The following EML4 variants were observed in gnomAD, a reference collection of about 807,000 sequenced individuals.
EML4 encodes echinoderm microtubule-associated protein-like 4.
EML4 carries 72 observed loss-of-function variants against 129.0 expected under a neutral mutation model. That is an observed-to-expected ratio of 0.56 (90% CI 0.46 to 0.68). The LOEUF (loss-of-function observed/expected upper bound fraction) is 0.68, where lower values mean the gene tolerates loss of function less well. Among genes scored for constraint, EML4 ranks in the 30% least tolerant of loss-of-function variants. EML4 has a pLI of 0.00. For synonymous variants in EML4, 532 were observed against 405.0 expected (o/e 1.31, Z -3.77); for missense variants, 1,363 against 1,190.6 (o/e 1.14, Z -2.13).
Position 42,299,752 on chromosome 2 carries a change from C to T in EML4, c.1490-1489C>T, listed in dbSNP as rs1001289375. Reference sequence around the variant, plus strand: ...TTGCCCAGGCTGGAGTGCAGTGGTGCGATTTCGGCTCACTGAACCTCCGCC... The same window carrying T: ...TTGCCCAGGCTGGAGTGCAGTGGTGTGATTTCGGCTCACTGAACCTCCGCC... On this transcript the variant is annotated intron_variant, in intron 13 of 22. Coordinates refer to ENST00000318522, the MANE Select transcript of EML4 (RefSeq NM_019063.5). 5.9e-5 allele frequency among the ~76,000 whole-genome samples: 9 copies of T among 152,220 alleles called. No individual in the cohort carries two copies. The South Asian group carries it at 1.2e-3, about 21-fold the overall frequency.
chr2:42,245,423 T>C (rs1307135028), intron 1 of EML4, 82 bp from the exon 2 acceptor site: 1 of 1,318,768 alleles, frequency 7.6e-7, no homozygotes, highest in Non-Finnish European at 1.0e-6. Flanking sequence ...TTGTAAGTCT[T>C]ATGTGGGATG....
At chr2:42,236,173 G>T (rs1674662623) in intron 1 of EML4, among the ~76,000 whole-genome samples, 1 of 152,076 alleles carries the variant, frequency 6.6e-6, no homozygotes, top group African/African-American at 2.4e-5. Flanking sequence ...ACTTTTGTAT[G>T]TTTTTGAACT....
At chr2:42,254,482 G>C (rs1447019551) in intron 2 of EML4, among the ~76,000 whole-genome samples, 1 of 150,164 alleles carries the variant, frequency 6.7e-6, no homozygotes, top group East Asian at 1.9e-4. Context: ...GACTAAGAAA[G>C]AAGAAAAAAC....
chr2:42,280,336 C>T (rs1487456883), intron 6 of EML4, among the ~76,000 whole-genome samples: 2 of 152,142 alleles, frequency 1.3e-5, no homozygotes, highest in East Asian at 3.9e-4. Flanking sequence ...TTTATTTTTC[C>T]CTACAATGTT....
rs75839804 is a variant in EML4 at position 42,228,465 on chromosome 2, C to G, written c.26-17040C>G. Among the ~76,000 whole-genome samples, 118 of 152,242 alleles carry G rather than the reference C, an allele frequency of 7.8e-4. 4 individuals carry two copies. In the East Asian group the frequency reaches 0.021, roughly 27 times the overall value. ...TTGAAATAGGCTAAAACATCATGTT[C>G]TTAGAGCTTGTCATTTAAAATTTAG... On this transcript the variant is annotated intron_variant, in intron 1 of 22. Transcript: ENST00000318522.
At chr2:42,318,835 G>C (rs943149656) in intron 19 of EML4, among the ~76,000 whole-genome samples, 1 of 151,916 alleles carries the variant, frequency 6.6e-6, no homozygotes, top group Non-Finnish European at 1.5e-5. Context: ...CTCCTGACTA[G>C]CTGGCACCAT....
intron 12 of EML4, 50 bp from the exon 13 acceptor site, chr2:42,295,331 A>C: frequency 6.2e-7 from 1 of 1,604,544 alleles, no homozygotes; most frequent in Non-Finnish European, 8.5e-7. Flanking sequence ...AATAAGCATC[A>C]AGTTGTCATG....
At chr2:42,315,488 T>C (rs1276851573) in intron 17 of EML4, among the ~76,000 whole-genome samples, 4 of 152,202 alleles carry the variant, frequency 2.6e-5, no homozygotes, top group Non-Finnish European at 5.9e-5. Flanking sequence ...GTATATTTTA[T>C]CTAGCAGCAT....
At chr2:42,224,818 T>C (rs2104140800) in intron 1 of EML4, among the ~76,000 whole-genome samples, 1 of 152,252 alleles carries the variant, frequency 6.6e-6, no homozygotes, top group East Asian at 1.9e-4. Context: ...AATTTTAACT[T>C]TATAGTTCAG....
chr2:42,180,835 T>A (rs1670893501), intron 1 of EML4, among the ~76,000 whole-genome samples: 2 of 152,222 alleles, frequency 1.3e-5, no homozygotes, highest in Non-Finnish European at 2.9e-5. Flanking sequence ...CATGTTGAAT[T>A]TAGTTTTCAT....
At chr2:42,257,340 A>C (rs1376023226) in intron 3 of EML4, among the ~76,000 whole-genome samples, 1 of 152,206 alleles carries the variant, frequency 6.6e-6, no homozygotes, top group Non-Finnish European at 1.5e-5. Flanking sequence ...ACAAAATCTT[A>C]AAACCGTTTT....
intron 3 of EML4, among the ~76,000 whole-genome samples, chr2:42,259,028 G>C (rs1218990292): frequency 6.6e-6 from 1 of 152,094 alleles, no homozygotes; most frequent in East Asian, 1.9e-4. Flanking sequence ...AGGCGAATCA[G>C]CTGAGGTCAG....
At chr2:42,226,924 A>G (rs1364062254) in intron 1 of EML4, among the ~76,000 whole-genome samples, 3 of 152,154 alleles carry the variant, frequency 2.0e-5, no homozygotes, top group Admixed American at 1.3e-4. Context: ...AGAACTGCTT[A>G]CTTCTAGAAA....
At chr2:42,302,961 T>A in intron 14 of EML4, 143 bp from the exon 15 acceptor site, 1 of 649,780 alleles carries the variant, frequency 1.5e-6, no homozygotes, top group Non-Finnish European at 2.7e-6. Context: ...ACAAATAAAT[T>A]AGTAGTAGTA....
At chr2:42,282,610 C>T (rs1300854042) in intron 7 of EML4, among the ~76,000 whole-genome samples, 1 of 152,094 alleles carries the variant, frequency 6.6e-6, no homozygotes, top group East Asian at 1.9e-4. Context: ...CCGCACTACT[C>T]TCAAACTCCT....
chr2:42,265,486 C>T (rs934728923), intron 6 of EML4, among the ~76,000 whole-genome samples: 6 of 152,124 alleles, frequency 3.9e-5, no homozygotes, highest in East Asian at 1.9e-4. Flanking sequence ...GCAGTCCTCC[C>T]GCCTCAGCCC....
intron 1 of EML4, among the ~76,000 whole-genome samples, chr2:42,220,236 ATTTT>A (rs56896362): frequency 0.026 from 3,671 of 140,102 alleles, 82 homozygotes; most frequent in African/African-American, 0.067. Context: ...CAGATACTGT[ATTTT>A]TTTTTTTTTT....
chr2:42,174,840 CAG>C (rs750313689), intron 1 of EML4, among the ~76,000 whole-genome samples: 4 of 151,746 alleles, frequency 2.6e-5, no homozygotes, highest in Non-Finnish European at 4.4e-5. Flanking sequence ...TTTTTTGAGA[CAG>C]AGTCTTGCTC....
Position 42,220,071 on chromosome 2 carries a change from A to C in EML4, c.26-25434A>C, listed in dbSNP as rs189669992. Among the ~76,000 whole-genome samples, 189 of 152,166 alleles carry C rather than the reference A, an allele frequency of 1.2e-3. 1 individual carries two copies. Among genetic ancestry groups the C allele is most frequent in the Middle Eastern group, 3.4e-3 (1 of 292 alleles). On this transcript the variant is annotated intron_variant, in intron 1 of 22. Coordinates refer to ENST00000318522, the MANE Select transcript of EML4 (RefSeq NM_019063.5). ...GTTGCTGCACATTATTTTCACTCAT[A>C]GTGTATGTCATAGATCATTGGAAAC...
Sources: allele counts gnomAD v4.1 joint callset (sites outside exome capture counted in the v4.1 genomes callset), GRCh38; gene constraint gnomAD v4.1.1; transcripts MANE v1.5; gene names NCBI Gene and HGNC (gene_info 2026-07-23, HGNC 2026-07-21).